PPP1R21: variants seen among roughly 807,000 people sequenced by gnomAD.
The protein encoded by PPP1R21 is KLRAQ motif containing 1.
PPP1R21 carries 85 observed loss-of-function variants against 112.8 expected under a neutral mutation model. That is an observed-to-expected ratio of 0.75 (90% confidence interval 0.63 to 0.90). The LOEUF is 0.90. Ranked by LOEUF, PPP1R21 falls within the 40% of genes least tolerant of loss-of-function variation. The pLI, the probability that PPP1R21 is intolerant of heterozygous loss-of-function variation, is 0.00. For missense variants in PPP1R21, 1,199 were observed against 901.5 expected, an observed-to-expected ratio of 1.33 and a Z score of -4.23; for synonymous variants, 381 against 322.3, an observed-to-expected ratio of 1.18 and a Z score of -1.95.
chr2:48,501,316 G>A (rs1670100877), intron 17 of PPP1R21, among the ~76,000 whole-genome samples: 1 of 152,148 alleles, frequency 6.6e-6, no homozygotes, highest in Non-Finnish European at 1.5e-5. Context: ...CAGCTCCATT[G>A]CCTGTATCCA....
chr2:48,491,785 T>TTA (rs991385174), intron 15 of PPP1R21, among the ~76,000 whole-genome samples: 2 of 152,084 alleles, frequency 1.3e-5, no homozygotes, highest in African/African-American at 2.4e-5. Flanking sequence ...GAGGATATAT[T>TTA]TATATATATC....
rs995375438 is a variant in PPP1R21, at chr2:48,461,243, T to A, written c.694+11T>A. The A allele has an allele frequency of 6.5e-7, 1 of 1,533,234 alleles. No homozygotes were observed. Among genetic ancestry groups the A allele is most frequent in the Non-Finnish European group, 8.7e-7 (1 of 1,148,408 alleles). 95.0% of individuals were successfully genotyped at this position (1,533,234 alleles called of 1,614,324 possible). ...CTTTTAATGATACAAGTAGGTATTA[T>A]GTACAGTTTTCCATTATTTGTAACT... On this transcript the variant is annotated intron_variant, in intron 7 of 21. Transcript: ENST00000294952.
In PPP1R21 at chr2:48,514,747, T is replaced by G. The variant is rs767407662; in HGVS notation, c.*3T>G. The G allele has an allele frequency of 6.2e-7, 1 of 1,612,768 alleles. No individual in the cohort carries two copies. Among genetic ancestry groups the G allele is most frequent in the South Asian group, 1.1e-5 (1 of 91,024 alleles). ...CTAAAAAGAACAAGAGTCGATAGTTTTGAAATAGCTGGTTGGCGACTGTTC... is the reference window on the plus strand; with the variant it reads ...CTAAAAAGAACAAGAGTCGATAGTTGTGAAATAGCTGGTTGGCGACTGTTC... On this transcript the variant is annotated 3_prime_UTR_variant, in exon 22 of 22. Transcript: ENST00000294952.
At chr2:48,507,852 G>A (rs1468156750) in intron 19 of PPP1R21, among the ~76,000 whole-genome samples, 3 of 126,394 alleles carry the variant, frequency 2.4e-5, no homozygotes, top group Non-Finnish European at 4.7e-5. Context: ...TACAACCTCC[G>A]CCTCCTGGGT....
rs576659115 is a variant in PPP1R21 at position 48,461,421 on chromosome 2, C to T, written c.694+189C>T. ...AGGAAGATTTTAAATTGTCATATAA[C>T]TACTCCAAAGCTGGTCTTCTTGGAA... On this transcript the variant is annotated intron_variant, in intron 7 of 21. Coordinates refer to ENST00000294952, the MANE Select transcript of PPP1R21 (RefSeq NM_001135629.3). 3.9e-5 allele frequency among the ~76,000 whole-genome samples: 6 copies of T among 152,236 alleles called. No individual in the cohort carries two copies. In the South Asian group the frequency reaches 1.2e-3, roughly 32 times the overall value.
intron 18 of PPP1R21, 97 bp downstream of exon 18, chr2:48,505,693 T>C (rs1361547810): frequency 9.3e-7 from 1 of 1,079,594 alleles, no homozygotes. Flanking sequence ...TAATTGTTGT[T>C]GTTGTTTTTT....
chr2:48,513,026 T>G (rs2103683748), intron 21 of PPP1R21, among the ~76,000 whole-genome samples: 1 of 152,332 alleles, frequency 6.6e-6, no homozygotes, highest in South Asian at 2.1e-4. Context: ...AAAGCCTGTT[T>G]TAGCACCTAA....
chr2:48,488,624 T>A (rs904211650), intron 14 of PPP1R21, among the ~76,000 whole-genome samples: 2 of 152,154 alleles, frequency 1.3e-5, no homozygotes, highest in Admixed American at 6.6e-5. Flanking sequence ...AATTAAATAC[T>A]TGCATACGTC....
At chr2:48,507,752 T>TG (rs1670451484) in intron 19 of PPP1R21, among the ~76,000 whole-genome samples, 1 of 64,728 alleles carries the variant, frequency 1.5e-5, no homozygotes, top group Non-Finnish European at 3.4e-5. Context: ...GCTCTGCCTT[T>TG]TTTTTTTTTT....
chr2:48,452,864 A>G (rs1186943920), intron 2 of PPP1R21, among the ~76,000 whole-genome samples: 1 of 152,164 alleles, frequency 6.6e-6, no homozygotes, highest in Admixed American at 6.5e-5. Context: ...TAATGGGAGC[A>G]TATTGTTCTA....
At chr2:48,445,087 A>C (rs776294840) in intron 1 of PPP1R21, among the ~76,000 whole-genome samples, 30 of 150,328 alleles carry the variant, frequency 2.0e-4, no homozygotes, top group Admixed American at 2.0e-4. Flanking sequence ...ACCTACTTTT[A>C]TAGAGAAATA....
intron 12 of PPP1R21, among the ~76,000 whole-genome samples, chr2:48,477,262 G>A (rs1182755872): frequency 2.6e-5 from 4 of 151,848 alleles, no homozygotes; most frequent in Non-Finnish European, 5.9e-5. Context: ...GGGACTACGG[G>A]TGTGCGCCAC....
chr2:48,485,912 TACTA>T (rs889998627), intron 13 of PPP1R21, among the ~76,000 whole-genome samples: 183 of 145,794 alleles, frequency 1.3e-3, no homozygotes, highest in African/African-American at 4.1e-3. Context: ...CAATTGTATA[TACTA>T]ACTAATATAT....
intron 9 of PPP1R21, among the ~76,000 whole-genome samples, chr2:48,470,543 G>C (rs11680254): frequency 1.3e-5 from 2 of 149,772 alleles, no homozygotes; most frequent in Admixed American, 1.3e-4. Flanking sequence ...AAAGGTTTCT[G>C]TATCCTCATT....
rs1159018050 is a variant in PPP1R21, at chr2:48,459,782, A to G, written c.404A>G (p.His135Arg). The change falls in exon 5 of 22, where the codon CAT becomes CGT. Residue 135 changes from histidine to arginine, a missense_variant. Transcript: ENST00000294952. Reference protein sequence around the residue: ...QFFEADEQHKHVEAELRSRLA... With the variant: ...QFFEADEQHKRVEAELRSRLA... ...TTTGAAGCTGATGAGCAGCACAAGC[A>G]TGTGGAAGCAGAGCTGAGGAGTCGA... 1 of 1,613,950 alleles carries G rather than the reference A, an allele frequency of 6.2e-7. No individual in the cohort carries two copies. The highest frequency in any genetic ancestry group is 1.1e-5 in the South Asian group (1 of 91,066).
intron 3 of PPP1R21, among the ~76,000 whole-genome samples, chr2:48,456,946 G>A (rs1363797408): frequency 6.6e-6 from 1 of 152,072 alleles, no homozygotes; most frequent in East Asian, 1.9e-4. Context: ...CAGCTACTTG[G>A]GAGGCTGAGG....
intron 15 of PPP1R21, among the ~76,000 whole-genome samples, chr2:48,492,871 T>G (rs1385831582): frequency 6.6e-6 from 1 of 152,206 alleles, no homozygotes; most frequent in Non-Finnish European, 1.5e-5. Flanking sequence ...ACCCATGCAT[T>G]TAATATTTAT....
At chr2:48,480,280 T>C (rs1461164635) in intron 13 of PPP1R21, among the ~76,000 whole-genome samples, 1 of 152,226 alleles carries the variant, frequency 6.6e-6, no homozygotes, top group African/African-American at 2.4e-5. Flanking sequence ...ACACTGACTT[T>C]AGGCAGGTGT....
At chr2:48,442,024 T>C (rs188927893) in intron 1 of PPP1R21, among the ~76,000 whole-genome samples, 81 of 152,346 alleles carry the variant, frequency 5.3e-4, no homozygotes, top group African/African-American at 1.8e-3. Flanking sequence ...CACCATCACA[T>C]AGGAGTCTTT....
Sources: gnomAD v4.1 joint callset for allele counts (sites outside exome capture counted in the v4.1 genomes callset) on GRCh38, gnomAD v4.1.1 for gene constraint, MANE v1.5 for transcripts, NCBI Gene and HGNC (gene_info 2026-07-23, HGNC 2026-07-21) for gene names.